CCDC187: variants seen among roughly 807,000 people sequenced by gnomAD.
CCDC187 encodes coiled-coil domain-containing protein 187.
CCDC187 carries 32 observed loss-of-function variants against 38.0 expected under a neutral mutation model. That is an observed-to-expected ratio of 0.84 (90% confidence interval 0.64 to 1.13). The LOEUF (loss-of-function observed/expected upper bound fraction) is 1.13. Among genes scored for constraint, CCDC187 ranks in the 50% most tolerant of loss-of-function variants. The probability of loss-of-function intolerance (pLI) is 0.00; values close to 1 mark genes in which losing one functional copy is unlikely to be tolerated. For missense variants in CCDC187, 707 were observed against 786.8 expected, an observed-to-expected ratio of 0.90 and a Z score of 1.21; for synonymous variants, 333 against 347.9, an observed-to-expected ratio of 0.96 and a Z score of 0.48.
intron 19 of CCDC187, among the ~76,000 whole-genome samples, chr9:136,261,125 C>T (rs1017665877): frequency 1.3e-5 from 2 of 152,152 alleles, no homozygotes; most frequent in African/African-American, 4.8e-5. Flanking sequence ...CCCACAGCAG[C>T]TCCATCTGCT....
At position 136,290,734 on chromosome 9, in the gene CCDC187, G is replaced by A. The variant is rs1032132004; in HGVS notation, c.1879C>T (p.Arg627Trp). ...CTGTGCGAGGGTCCCAGGAGCCCCCGGGACCTGGGGCAGGGCCGCAGCGTG... is the reference window on the plus strand; with the variant it reads ...CTGTGCGAGGGTCCCAGGAGCCCCCAGGACCTGGGGCAGGGCCGCAGCGTG... Reference protein sequence around the residue: ...KDTLRPCPRSRGLLGPSHSSE... With the variant: ...KDTLRPCPRSWGLLGPSHSSE... The change falls in exon 6 of 26, where the codon CGG (arginine) becomes TGG (tryptophan). Residue 627 changes from arginine to tryptophan, a missense_variant. By Grantham distance (101) the Arg-to-Trp change is moderately radical. Transcript: ENST00000638797. 39 of 398,464 alleles carry A rather than the reference G, an allele frequency of 9.8e-5. No individual in the cohort carries two copies. Among genetic ancestry groups the A allele is most frequent in the Non-Finnish European group, 1.5e-4 (34 of 225,924 alleles). The allele number at this position is 398,464 out of a possible 1,614,324, so 24.7% of individuals were successfully genotyped here.
At position 136,292,194 on chromosome 9, in the gene CCDC187, G is replaced by A. The variant is rs1588669673; in HGVS notation, c.934C>T (p.Pro312Ser). Residue 312 changes from proline to serine, a missense_variant, in exon 5 of 26, where the codon CCC (proline) becomes TCC (serine). Transcript: ENST00000638797. Reference sequence around the variant, plus strand: ...ACGGTGAGAGCCGGGTCTCTCGAGGGATCCTTGCTATGGTGCCTGCGGAGG... The same window carrying A: ...ACGGTGAGAGCCGGGTCTCTCGAGGAATCCTTGCTATGGTGCCTGCGGAGG... ...PVLRRHHSKD[P>S]SRDPALTVDL... The A allele has an allele frequency of 1.5e-5, 6 of 398,788 alleles. No individual in the cohort carries two copies. The highest frequency in any genetic ancestry group is 6.3e-4 in the Middle Eastern group (1 of 1,594). 24.7% of individuals were successfully genotyped at this position (398,788 alleles called of 1,614,324 possible). A position where few individuals can be genotyped will look rare whatever the true frequency, so the allele number is the denominator to read the frequency against.
At chr9:136,267,820 CA>C in intron 15 of CCDC187, 1 of 982,134 alleles carries the variant, frequency 1.0e-6, no homozygotes, top group Non-Finnish European at 1.2e-6. Flanking sequence ...TAACCCTGCC[CA>C]AAGCACCATG....
chr9:136,267,280 CG>C (rs1554761765), intron 16 of CCDC187, 103 bp downstream of exon 16: 1 of 783,668 alleles, frequency 1.3e-6, no homozygotes, highest in African/African-American at 2.4e-5. Context: ...GGGCCACGGG[CG>C]GGACCCGGAC....
chr9:136,302,825 G>T lies in CCDC187; in HGVS notation c.612C>A (p.Ala204=). 2.5e-6 allele frequency: 1 copy of T among 398,806 alleles called. No homozygotes were observed. The allele number at this position is 398,806 out of a possible 1,614,324, so 24.7% of individuals were successfully genotyped here. ...KGQEAKNPPP[A]PECSGFSILS... is the part of the protein sequence containing the mutation. ...GTGGCCACTGACCTGAGCATTCAGG[G>T]GCTGGAGGGGGATTTTTTGCCTCTT... The change falls in exon 2 of 26, where the codon GCC becomes GCA. Residue 204 remains alanine, a synonymous_variant. Transcript: ENST00000638797.
Position 136,286,063 on chromosome 9 carries a change from C to T in CCDC187, c.2833+22G>A, listed in dbSNP as rs1393240221. ...GACCCCCTGGCCACCCAGCGGTCAC[C>T]GTGTCCCGGGTGCCGGCCTACCTCG... On this transcript the variant is annotated intron_variant, in intron 8 of 25. Coordinates refer to ENST00000638797, the MANE Select transcript of CCDC187 (RefSeq NM_001378188.1). 12 of 398,362 alleles carry T rather than the reference C, an allele frequency of 3.0e-5. No homozygotes were observed. The South Asian group carries it at 5.2e-4, about 17-fold the overall frequency. The allele number at this position is 398,362 out of a possible 1,614,324, so 24.7% of individuals were successfully genotyped here.
rs952343170 is a variant in CCDC187 at position 136,267,380 on chromosome 9, T to C, written c.3647+4A>G. On this transcript the variant is annotated splice_donor_region_variant and intron_variant, in intron 16 of 25. Coordinates refer to ENST00000638797, the MANE Select transcript of CCDC187 (RefSeq NM_001378188.1). ...CGGGGCCGGCGCCAGGCGCATGCGCTCACCCTCGTCGATGCTCCAGCCAGG... is the reference window on the plus strand; with the variant it reads ...CGGGGCCGGCGCCAGGCGCATGCGCCCACCCTCGTCGATGCTCCAGCCAGG... 3.0e-6 allele frequency: 3 copies of C among 985,164 alleles called. No individual in the cohort carries two copies. Among genetic ancestry groups the C allele is most frequent in the African/African-American group, 1.8e-5 (1 of 57,026 alleles). The allele number at this position is 985,164 out of a possible 1,614,324, so 61.0% of individuals were successfully genotyped here.
chr9:136,267,873 C>G (rs1392971798), intron 15 of CCDC187, 176 bp downstream of exon 15: 1 of 985,470 alleles, frequency 1.0e-6, no homozygotes, highest in Non-Finnish European at 1.2e-6. Context: ...GCGGGAGGAA[C>G]GGGCTTGGGT....
chr9:136,298,545 T>C (rs1397325783), intron 3 of CCDC187, among the ~76,000 whole-genome samples: 1 of 152,180 alleles, frequency 6.6e-6, no homozygotes, highest in Non-Finnish European at 1.5e-5. Flanking sequence ...TGCGAGAACC[T>C]GCCTTGTCCC....
intron 8 of CCDC187, among the ~76,000 whole-genome samples, chr9:136,285,854 G>A (rs1314112996): frequency 1.3e-5 from 2 of 152,216 alleles, no homozygotes; most frequent in Admixed American, 1.3e-4. Flanking sequence ...CGGGTGCCAT[G>A]TGCCACACAG....
At chr9:136,287,521 A>G (rs1831210023) in intron 7 of CCDC187, among the ~76,000 whole-genome samples, 1 of 152,142 alleles carries the variant, frequency 6.6e-6, no homozygotes, top group African/African-American at 2.4e-5. Context: ...ACGGAGCTGC[A>G]TTCCTTCCCT....
intron 7 of CCDC187, among the ~76,000 whole-genome samples, chr9:136,287,393 C>T (rs993721673): frequency 0.4 from 60,442 of 151,966 alleles, 12,213 homozygotes; most frequent in Non-Finnish European, 0.41. Context: ...ACCATCAGGC[C>T]TCCCACATAG....
At chr9:136,302,707 G>A (rs1017413880) in intron 2 of CCDC187, 105 bp downstream of exon 2, 18 of 397,844 alleles carry the variant, frequency 4.5e-5, no homozygotes, top group Non-Finnish European at 4.9e-5. Context: ...GCATACACCC[G>A]GCTGGCCCCC....
At position 136,286,070 on chromosome 9, in the gene CCDC187, C is replaced by T. The variant is rs1049895308; in HGVS notation, c.2833+15G>A. On this transcript the variant is annotated intron_variant, in intron 8 of 25. Coordinates refer to ENST00000638797, the MANE Select transcript of CCDC187 (RefSeq NM_001378188.1). ...TGGCCACCCAGCGGTCACCGTGTCCCGGGTGCCGGCCTACCTCGGGGCTTG... is the reference window on the plus strand; with the variant it reads ...TGGCCACCCAGCGGTCACCGTGTCCTGGGTGCCGGCCTACCTCGGGGCTTG... 5 of 398,304 alleles carry T rather than the reference C, an allele frequency of 1.3e-5. No individual in the cohort carries two copies. Among genetic ancestry groups the T allele is most frequent in the East Asian group, 3.6e-5 (1 of 28,090 alleles). The allele number at this position is 398,304 out of a possible 1,614,324, so 24.7% of individuals were successfully genotyped here.
At chr9:136,295,016 C>T (rs1195771258) in intron 4 of CCDC187, among the ~76,000 whole-genome samples, 1 of 152,216 alleles carries the variant, frequency 6.6e-6, no homozygotes, top group Admixed American at 6.5e-5. Context: ...GCCTATCTCA[C>T]AGCACCTCCC....
chr9:136,292,052 C>T, intron 5 of CCDC187, 109 bp downstream of exon 5: 1 of 398,016 alleles, frequency 2.5e-6, no homozygotes, highest in South Asian at 1.4e-4. Flanking sequence ...TGAGAGGCGC[C>T]AACACCTCTT....
intron 7 of CCDC187, among the ~76,000 whole-genome samples, chr9:136,288,928 A>G (rs1831244813): frequency 6.6e-6 from 1 of 152,194 alleles, no homozygotes. Context: ...TGCCCATGCA[A>G]TTCACTCTCA....
In CCDC187 at chr9:136,257,736, G is replaced by C. The variant is rs2131117607; in HGVS notation, c.4367-895C>G. Among the ~76,000 whole-genome samples, 1 of 152,358 alleles carries C rather than the reference G, an allele frequency of 6.6e-6. No homozygotes were observed. The highest frequency in any genetic ancestry group is 2.1e-4 in the South Asian group (1 of 4,830). On this transcript the variant is annotated intron_variant, in intron 22 of 25. Transcript: ENST00000638797. This position sits in a 1 kb window ranked among gnomAD's most constrained non-coding sequence, Gnocchi z 4.5. ...AGGGAACCAGAGCTGTTTGTCTAAA[G>C]CCCAAGGAGGGGGAAGCTCCATCAG...
chr9:136,280,347 A>G (rs947299151), intron 10 of CCDC187, among the ~76,000 whole-genome samples: 2,300 of 152,332 alleles, frequency 0.015, 28 homozygotes, highest in Non-Finnish European at 0.022. Context: ...AGGAAGGGGC[A>G]GGTGCATACC....
Sources: allele counts gnomAD v4.1 joint callset (sites outside exome capture counted in the v4.1 genomes callset), GRCh38; gene constraint gnomAD v4.1.1; non-coding constraint Gnocchi (gnomAD v3.1); transcripts MANE v1.5; gene names NCBI Gene and HGNC (gene_info 2026-07-23, HGNC 2026-07-21).